Variants in ADAMTSL1 observed in about 807,000 individuals in gnomAD.
ADAMTSL1 encodes the protein ADAMTS like 1, also known as ADAMTS-like protein 1.
Under a neutral mutation model 201.8 loss-of-function variants are expected in ADAMTSL1, and 126 were observed. The observed-to-expected ratio is 0.62, with a 90% CI of 0.54 to 0.72. The LOEUF (loss-of-function observed/expected upper bound fraction) is 0.72. ADAMTSL1 is among the 30% of genes least tolerant of loss of function. ADAMTSL1 has a pLI of 0.00. For missense variants in ADAMTSL1, 2,679 were observed against 2,277.8 expected, an observed-to-expected ratio of 1.18 and a Z score of -3.59; for synonymous variants, 1,121 against 903.4, an observed-to-expected ratio of 1.24 and a Z score of -4.32.
intron 4 of ADAMTSL1, among the ~76,000 whole-genome samples, chr9:18,615,469 T>C (rs1474315635): frequency 1.3e-5 from 2 of 152,192 alleles, no homozygotes; most frequent in Non-Finnish European, 2.9e-5. Flanking sequence ...TGATCTTGAT[T>C]AGAATATTCA....
intron 10 of ADAMTSL1, 140 bp downstream of exon 10, chr9:18,676,047 C>A: frequency 2.4e-6 from 2 of 827,536 alleles, no homozygotes; most frequent in Non-Finnish European, 3.9e-6. Context: ...TGCAATCCAT[C>A]CTGAGTTCTG....
chr9:18,146,388 A>G (rs1302631244), intron 1 of ADAMTSL1, among the ~76,000 whole-genome samples: 1 of 152,188 alleles, frequency 6.6e-6, no homozygotes, highest in Non-Finnish European at 1.5e-5. Context: ...TTCAGCAATA[A>G]AGAGGTATGA....
chr9:18,587,968 C>T (rs1191641468), intron 4 of ADAMTSL1, among the ~76,000 whole-genome samples: 1 of 152,026 alleles, frequency 6.6e-6, no homozygotes, highest in Non-Finnish European at 1.5e-5. Flanking sequence ...TAGTGATTTC[C>T]TTTCATTTGG....
intron 15 of ADAMTSL1, among the ~76,000 whole-genome samples, chr9:18,730,732 A>G (rs138617984): frequency 2.0e-5 from 3 of 152,288 alleles, no homozygotes; most frequent in African/African-American, 4.8e-5. Flanking sequence ...TGAGGCTTCA[A>G]TTTTTACATG....
rs541009602 is a variant in ADAMTSL1, at chr9:18,201,153, G to C, written c.207+37172G>C. On this transcript the variant is annotated intron_variant, in intron 2 of 29. Transcript: ENST00000680146. ...GAAAGCATAGACAGTTTATCAAACA[G>C]TGTTTTGGAGTTTGAGGGAAGAAAT... is the stretch of plus-strand genomic sequence containing the variant. Among the ~76,000 whole-genome samples, 202 of 152,210 alleles carry C rather than the reference G, an allele frequency of 1.3e-3. 2 individuals are homozygous for C. The highest frequency in any genetic ancestry group is 4.7e-3 in the African/African-American group (194 of 41,560).
At chr9:18,119,886 T>G (rs1264559812) in intron 1 of ADAMTSL1, among the ~76,000 whole-genome samples, 1 of 152,178 alleles carries the variant, frequency 6.6e-6, no homozygotes, top group Non-Finnish European at 1.5e-5. Context: ...CTTTTAACTT[T>G]GGGAGATCAA....
At chr9:18,874,557 T>A (rs536811958) in intron 23 of ADAMTSL1, among the ~76,000 whole-genome samples, 5 of 152,202 alleles carry the variant, frequency 3.3e-5, no homozygotes, top group Non-Finnish European at 7.4e-5. Flanking sequence ...GGGATTTTTT[T>A]ATTTATGTGA....
chr9:18,677,487 G>A (rs1411941316), intron 10 of ADAMTSL1, among the ~76,000 whole-genome samples: 4 of 152,088 alleles, frequency 2.6e-5, no homozygotes, highest in East Asian at 1.9e-4. Flanking sequence ...ATATGTATCT[G>A]TTTGTATGAA....
chr9:18,185,483 CTG>C (rs991183376), intron 2 of ADAMTSL1, among the ~76,000 whole-genome samples: 1 of 152,124 alleles, frequency 6.6e-6, no homozygotes, highest in Non-Finnish European at 1.5e-5. Flanking sequence ...CCCACAGAAA[CTG>C]TGAATTTATA....
chr9:18,128,780 A>T (rs1825838449), intron 1 of ADAMTSL1, among the ~76,000 whole-genome samples: 1 of 152,060 alleles, frequency 6.6e-6, no homozygotes, highest in Non-Finnish European at 1.5e-5. Context: ...GTTCCAGTAA[A>T]TAAGTAAGAA....
chr9:18,417,421 T>A (rs1414888907), intron 2 of ADAMTSL1, among the ~76,000 whole-genome samples: 1 of 132,390 alleles, frequency 7.6e-6, no homozygotes, highest in Non-Finnish European at 1.7e-5. Context: ...TTAATTTAAA[T>A]TGAAAAACAA....
At position 18,631,607 on chromosome 9, in the gene ADAMTSL1, A is replaced by C. The variant is rs117347822; in HGVS notation, c.602-4336A>C. 1.0e-2 allele frequency among the ~76,000 whole-genome samples: 1,517 copies of C among 152,336 alleles called. 14 individuals are homozygous for C. The highest frequency in any genetic ancestry group is 0.016 in the Non-Finnish European group (1,101 of 68,024). ...AGATAAACTCAGATATCAGAATAGG[A>C]AATTCTGTCTTTCAAAATATTATCC... On this transcript the variant is annotated intron_variant, in intron 5 of 28. Transcript: ENST00000380548.
chr9:18,360,148 T>C (rs1223223236), intron 2 of ADAMTSL1, among the ~76,000 whole-genome samples: 1 of 152,098 alleles, frequency 6.6e-6, no homozygotes, highest in Non-Finnish European at 1.5e-5. Context: ...CTGTGTCTGG[T>C]GTAGCTTTCT....
intron 1 of ADAMTSL1, among the ~76,000 whole-genome samples, chr9:18,148,727 A>G (rs562055095): frequency 3.3e-5 from 5 of 152,140 alleles, no homozygotes; most frequent in African/African-American, 9.6e-5. Context: ...CCATTTTTTA[A>G]TGGGTGACAC....
chr9:18,801,517 G>T (rs562153565), intron 20 of ADAMTSL1, among the ~76,000 whole-genome samples: 2 of 152,026 alleles, frequency 1.3e-5, no homozygotes, highest in East Asian at 1.9e-4. Context: ...TTTCAGCTCC[G>T]CTCTCTCCTC....
intron 1 of ADAMTSL1, among the ~76,000 whole-genome samples, chr9:17,940,444 C>G (rs1345552992): frequency 1.3e-5 from 2 of 151,798 alleles, no homozygotes; most frequent in Non-Finnish European, 2.9e-5. Flanking sequence ...GCTGATGAAA[C>G]TAGGAGAAGT....
intron 2 of ADAMTSL1, among the ~76,000 whole-genome samples, chr9:18,266,664 C>T (rs749839539): frequency 2.6e-5 from 4 of 152,088 alleles, no homozygotes; most frequent in Admixed American, 2.0e-4. Flanking sequence ...GGAAGGATGG[C>T]GTGGTTCCAT....
At chr9:18,822,148 C>G (rs767581212) in intron 21 of ADAMTSL1, among the ~76,000 whole-genome samples, 1 of 152,164 alleles carries the variant, frequency 6.6e-6, no homozygotes, top group African/African-American at 2.4e-5. Context: ...ATCCAAGTAG[C>G]TGGTCCACAA....
chr9:18,338,599 A>C (rs1453542122), intron 2 of ADAMTSL1, among the ~76,000 whole-genome samples: 1 of 152,000 alleles, frequency 6.6e-6, no homozygotes, highest in African/African-American at 2.4e-5. Context: ...GGGGTATGCC[A>C]CCTTGCCCAG....
Sources: gnomAD v4.1 joint callset for allele counts (sites outside exome capture counted in the v4.1 genomes callset) on GRCh38, gnomAD v4.1.1 for gene constraint, MANE v1.5 for transcripts, NCBI Gene and HGNC (gene_info 2026-07-23, HGNC 2026-07-21) for gene names.